The following TENM2 variants were observed in gnomAD, a reference collection of about 807,000 sequenced individuals.
TENM2 encodes teneurin-2.
TENM2 carries 52 observed loss-of-function variants against 245.2 expected under a neutral mutation model. The observed-to-expected ratio is 0.21, with a 90% CI of 0.17 to 0.27. The LOEUF (loss-of-function observed/expected upper bound fraction) is 0.27. Ranked by LOEUF, TENM2 falls within the 10% of genes least tolerant of loss-of-function variation. TENM2 has a pLI of 1.00. For missense variants in TENM2, 3,046 were observed against 3,666.8 expected (o/e 0.83, Z 4.37); for synonymous variants, 1,363 against 1,438.9 (o/e 0.95, Z 1.19).
chr5:167,260,202 T>A, the TENM2 span, among the ~76,000 whole-genome samples: 1 of 152,232 alleles, frequency 6.6e-6, no homozygotes, highest in Non-Finnish European at 1.5e-5. Context: ...TTAGCTGTAC[T>A]GTGTTAATTA....
chr5:167,267,860 A>T, the TENM2 span, among the ~76,000 whole-genome samples: 2 of 152,252 alleles, frequency 1.3e-5, no homozygotes, highest in Admixed American at 6.5e-5. Context: ...ACATTTTTTA[A>T]TCTTTTCTTT....
At chr5:167,585,376 A>G (rs995964205) in intron 2 of TENM2, among the ~76,000 whole-genome samples, 1 of 152,230 alleles carries the variant, frequency 6.6e-6, no homozygotes, top group African/African-American at 2.4e-5. Context: ...TGAACCTTGG[A>G]TATCAGAACT....
chr5:167,353,500 G>GTTTTTTTTTTTT (rs59240930), intron 1 of TENM2, among the ~76,000 whole-genome samples: 9 of 79,440 alleles, frequency 1.1e-4, no homozygotes, highest in African/African-American at 1.6e-4. Context: ...TGTTGTTGTT[G>GTTTTTTTTTTTT]TTTTTTTTTT....
intron 1 of TENM2, among the ~76,000 whole-genome samples, chr5:167,288,083 G>C (rs2127714551): frequency 6.6e-6 from 1 of 152,192 alleles, no homozygotes; most frequent in South Asian, 2.1e-4. Flanking sequence ...CCCGGAGTTA[G>C]GGTGAAGAGC....
intron 20 of TENM2, among the ~76,000 whole-genome samples, chr5:168,213,727 A>G (rs550167100): frequency 1.3e-4 from 20 of 152,136 alleles, no homozygotes; most frequent in African/African-American, 4.8e-4. Context: ...TCAACTACTC[A>G]GGAGGCTGAG....
chr5:167,794,170 G>A (rs1175745777), intron 2 of TENM2, among the ~76,000 whole-genome samples: 3 of 151,956 alleles, frequency 2.0e-5, no homozygotes, highest in Non-Finnish European at 2.9e-5. Flanking sequence ...TCAGAACCCA[G>A]ATAAAATCCA....
At chr5:167,301,955 G>A (rs1243791320) in intron 1 of TENM2, among the ~76,000 whole-genome samples, 4 of 152,064 alleles carry the variant, frequency 2.6e-5, no homozygotes, top group South Asian at 2.1e-4. Context: ...GACCTAGCTC[G>A]GCCTGGCAAA....
intron 2 of TENM2, among the ~76,000 whole-genome samples, chr5:167,827,555 A>T (rs1768068623): frequency 7.0e-6 from 1 of 142,098 alleles, no homozygotes; most frequent in Non-Finnish European, 1.5e-5. Context: ...GTATTGTAGC[A>T]CCTGCAGCTG....
At chr5:168,079,301 AG>A (rs1791766204) in intron 7 of TENM2, among the ~76,000 whole-genome samples, 1 of 152,248 alleles carries the variant, frequency 6.6e-6, no homozygotes, top group Non-Finnish European at 1.5e-5. Flanking sequence ...ACTTTGCTGA[AG>A]TTGCTTATCA....
intron 2 of TENM2, among the ~76,000 whole-genome samples, chr5:167,624,692 G>A (rs1248046827): frequency 6.6e-6 from 1 of 152,154 alleles, no homozygotes; most frequent in Non-Finnish European, 1.5e-5. Flanking sequence ...CCACTTAAAA[G>A]CTGTGTTCTG....
the TENM2 span, among the ~76,000 whole-genome samples, chr5:167,100,493 C>T: frequency 6.6e-6 from 1 of 152,192 alleles, no homozygotes. Context: ...AGACCACCTT[C>T]ATTTTTCTTG....
chr5:167,458,485 TCAAAAAAA>T (rs1766060004), intron 2 of TENM2, among the ~76,000 whole-genome samples: 3 of 55,828 alleles, frequency 5.4e-5, no homozygotes, highest in Non-Finnish European at 6.8e-5. Flanking sequence ...AGACTCCGTC[TCAAAAAAA>T]CAAAAAAAAA....
At chr5:167,666,149 C>T (rs1356579302) in intron 2 of TENM2, among the ~76,000 whole-genome samples, 4 of 152,190 alleles carry the variant, frequency 2.6e-5, no homozygotes, top group Non-Finnish European at 5.9e-5. Flanking sequence ...CTGAGGGTGA[C>T]TTGTACCAAC....
intron 2 of TENM2, among the ~76,000 whole-genome samples, chr5:167,767,871 T>A (rs768737998): frequency 4.2e-4 from 64 of 152,342 alleles, no homozygotes; most frequent in Non-Finnish European, 8.4e-4. Flanking sequence ...TTAAGCTTGA[T>A]GTCTTGGTGC....
At chr5:167,121,332 A>G in the TENM2 span, among the ~76,000 whole-genome samples, 1 of 152,162 alleles carries the variant, frequency 6.6e-6, no homozygotes, top group Non-Finnish European at 1.5e-5. Context: ...TGGGGTGGCC[A>G]GTTAGGGGAA....
At chr5:167,307,917 AC>A (rs1755777429) in intron 1 of TENM2, 2 of 151,994 alleles carry the variant, frequency 1.3e-5, no homozygotes, top group Non-Finnish European at 2.9e-5. Context: ...ACAAAAGGAG[AC>A]CCTAGTCACC....
intron 2 of TENM2, among the ~76,000 whole-genome samples, chr5:167,720,867 G>A (rs929772639): frequency 1.3e-5 from 2 of 152,164 alleles, no homozygotes; most frequent in Non-Finnish European, 2.9e-5. Flanking sequence ...GTTACTACTT[G>A]AATGTAAAAT....
chr5:167,601,642 A>G (rs1367805522), intron 2 of TENM2, among the ~76,000 whole-genome samples: 2 of 152,226 alleles, frequency 1.3e-5, no homozygotes, highest in Non-Finnish European at 2.9e-5. Context: ...ATTACAAACT[A>G]ATCTTTAATT....
chr5:167,475,124 A>C (rs1767286120), intron 2 of TENM2, among the ~76,000 whole-genome samples: 1 of 152,198 alleles, frequency 6.6e-6, no homozygotes, highest in Admixed American at 6.6e-5. Flanking sequence ...TTTGAGAAGG[A>C]TTGACCTTAT....
Sources: gnomAD v4.1 joint callset for allele counts (sites outside exome capture counted in the v4.1 genomes callset) on GRCh38, gnomAD v4.1.1 for gene constraint, MANE v1.5 for transcripts, NCBI Gene and HGNC (gene_info 2026-07-23, HGNC 2026-07-21) for gene names.